Variants in SGSM2 observed in about 807,000 individuals in gnomAD.
SGSM2 encodes small G protein signaling modulator 2.
In SGSM2, 89 loss-of-function variants were observed where a neutral mutation model predicts 126.6. The ratio of observed to expected loss-of-function variants is 0.70; its 90% confidence interval spans 0.59 to 0.84. The LOEUF is 0.84. Among genes scored for constraint, SGSM2 ranks in the 40% least tolerant of loss-of-function variants. The pLI is 0.00. For missense variants in SGSM2, 1,404 were observed against 1,416.6 expected (o/e 0.99, Z 0.14); for synonymous variants, 614 against 574.3 (o/e 1.07, Z -0.99).
intron 1 of SGSM2, among the ~76,000 whole-genome samples, chr17:2,340,674 T>C (rs945326565): frequency 5.9e-5 from 9 of 151,590 alleles, no homozygotes; most frequent in Non-Finnish European, 1.2e-4. Flanking sequence ...AAGCTCCGCC[T>C]CCCGGGTTCA....
intron 1 of SGSM2, among the ~76,000 whole-genome samples, chr17:2,339,392 AC>A (rs2064245706): frequency 6.6e-6 from 1 of 150,944 alleles, no homozygotes; most frequent in Non-Finnish European, 1.5e-5. Flanking sequence ...CCAAGATCGA[AC>A]CACTGCAGTC....
rs959805763 is a variant in SGSM2, at chr17:2,364,368, C to T, written c.932+185C>T. 43 of 884,786 alleles carry T rather than the reference C, an allele frequency of 4.9e-5. No individual in the cohort carries two copies. The African/African-American group carries it at 5.2e-4, about 11-fold the overall frequency. 54.8% of individuals were successfully genotyped at this position (884,786 alleles called of 1,614,324 possible). On this transcript the variant is annotated intron_variant, in intron 8 of 23. Coordinates refer to ENST00000268989, the MANE Select transcript of SGSM2 (RefSeq NM_014853.3). Reference sequence around the variant, plus strand: ...TCTCTAGGACGGAGCCAAGCCTGGCCGTGAAGAGGTTTGTCTGAGCCAAGC... The same window carrying T: ...TCTCTAGGACGGAGCCAAGCCTGGCTGTGAAGAGGTTTGTCTGAGCCAAGC...
At chr17:2,358,932 C>T (rs2151546098) in intron 2 of SGSM2, among the ~76,000 whole-genome samples, 1 of 142,018 alleles carries the variant, frequency 7.0e-6, no homozygotes, top group East Asian at 2.1e-4. Context: ...GGCTGGAGTG[C>T]AGTGGCGCCA....
rs2032931578 is a variant in SGSM2 at position 2,372,805 on chromosome 17, G to A, written c.1789-148G>A. The A allele has an allele frequency of 4.6e-6, 5 of 1,090,356 alleles. No homozygotes were observed. In the South Asian group the frequency reaches 8.2e-5, roughly 18 times the overall value. 67.5% of individuals were successfully genotyped at this position (1,090,356 alleles called of 1,614,324 possible). Reference sequence around the variant, plus strand: ...TCCCACTGTGAGCTGGGGCACGGGAGGACGTGGCCACCCCAAAGCAGGCCT... The same window carrying A: ...TCCCACTGTGAGCTGGGGCACGGGAAGACGTGGCCACCCCAAAGCAGGCCT... On this transcript the variant is annotated intron_variant, in intron 15 of 23. Transcript: ENST00000268989. This position sits in a 1 kb window ranked among gnomAD's most constrained non-coding sequence, Gnocchi z 6.0.
intron 2 of SGSM2, among the ~76,000 whole-genome samples, chr17:2,351,212 C>G (rs961119639): frequency 2.6e-5 from 4 of 151,270 alleles, no homozygotes; most frequent in Non-Finnish European, 4.4e-5. Context: ...AAGATCACGT[C>G]ACTGCACTCC....
rs547211405 is a variant in SGSM2 at position 2,381,032 on chromosome 17, C to G, written c.*1512C>G. ...AAACTATACTCTTCTGTGTAACAGACCAATAAACAACATTTGTCAACACTG... is the reference window on the plus strand; with the variant it reads ...AAACTATACTCTTCTGTGTAACAGAGCAATAAACAACATTTGTCAACACTG... On this transcript the variant is annotated 3_prime_UTR_variant, in exon 24 of 24. Transcript: ENST00000268989. 1 of 152,440 alleles carries G rather than the reference C, an allele frequency of 6.6e-6. No homozygotes were observed. Among genetic ancestry groups the G allele is most frequent in the African/African-American group, 2.4e-5 (1 of 41,566 alleles). The allele number at this position is 152,440 out of a possible 1,614,324, so 9.4% of individuals were successfully genotyped here.
At position 2,367,706 on chromosome 17, in the gene SGSM2, C is replaced by T. The variant is rs2065660571; in HGVS notation, c.1423+301C>T. Among the ~76,000 whole-genome samples, 1 of 152,234 alleles carries T rather than the reference C, an allele frequency of 6.6e-6. No homozygotes were observed. Among genetic ancestry groups the T allele is most frequent in the Non-Finnish European group, 1.5e-5 (1 of 68,034 alleles). ...CCCTGAATGGATCTCTGAGCCCATT[C>T]CTACTCCGGGGGTCAGGCTGGCAAA... On this transcript the variant is annotated intron_variant, in intron 12 of 23. Transcript: ENST00000268989. This position sits in a 1 kb window ranked among gnomAD's most constrained non-coding sequence, Gnocchi z 4.0.
In SGSM2 at chr17:2,380,395, T is replaced by A; in HGVS notation, c.*875T>A. 1 of 1,226,598 alleles carries A rather than the reference T, an allele frequency of 8.2e-7. No homozygotes were observed. The allele number at this position is 1,226,598 out of a possible 1,614,324, so 76.0% of individuals were successfully genotyped here. ...GGAAGAATCCGGTCACAGCCTCCCC[T>A]CAGAGACAGGCCTCAGTTCGAGGGC... is the stretch of plus-strand genomic sequence containing the variant. On this transcript the variant is annotated 3_prime_UTR_variant, in exon 24 of 24. Coordinates refer to ENST00000268989, the MANE Select transcript of SGSM2 (RefSeq NM_014853.3).
Position 2,367,987 on chromosome 17 carries a change from A to T in SGSM2, c.1423+582A>T, listed in dbSNP as rs2151596409. Among the ~76,000 whole-genome samples, 1 of 152,326 alleles carries T rather than the reference A, an allele frequency of 6.6e-6. No individual in the cohort carries two copies. ...TGGCATGAAATCTAGAAATAGCTGCAGCATGGTGTCCAGGAAGGGGCCAGG... is the reference window on the plus strand; with the variant it reads ...TGGCATGAAATCTAGAAATAGCTGCTGCATGGTGTCCAGGAAGGGGCCAGG... On this transcript the variant is annotated intron_variant, in intron 12 of 23. Transcript: ENST00000268989. This position sits in a 1 kb window ranked among gnomAD's most constrained non-coding sequence, Gnocchi z 4.0.
rs113381634 is a variant in SGSM2, at chr17:2,368,344, A to G, written c.1423+939A>G. 7.8e-3 allele frequency among the ~76,000 whole-genome samples: 1,192 copies of G among 152,256 alleles called. 18 individuals carry two copies. Among genetic ancestry groups the G allele is most frequent in the African/African-American group, 0.028 (1,146 of 41,546 alleles). ...GTGAGGGCTGGGATGGGTGCTCCAG[A>G]AAGGGGTGGGTAGGAAGAGGCTGAG... On this transcript the variant is annotated intron_variant, in intron 12 of 23. Coordinates refer to ENST00000268989, the MANE Select transcript of SGSM2 (RefSeq NM_014853.3).
intron 2 of SGSM2, among the ~76,000 whole-genome samples, chr17:2,348,818 A>G (rs2064717614): frequency 6.6e-6 from 1 of 152,028 alleles, no homozygotes; most frequent in Admixed American, 6.6e-5. Context: ...GCTGGAGTGC[A>G]GTGGTGTGAT....
Position 2,362,750 on chromosome 17 carries a change from C to T in SGSM2, c.459-88C>T. 2 of 1,325,352 alleles carry T rather than the reference C, an allele frequency of 1.5e-6. No individual in the cohort carries two copies. Among genetic ancestry groups the T allele is most frequent in the Non-Finnish European group, 2.2e-6 (2 of 929,722 alleles). 82.1% of individuals were successfully genotyped at this position (1,325,352 alleles called of 1,614,324 possible). Reference sequence around the variant, plus strand: ...TCTTGATGACTGATCTGAATCTGGTCTTTGTGGGGATGTCCCTACCTGGTG... The same window carrying T: ...TCTTGATGACTGATCTGAATCTGGTTTTTGTGGGGATGTCCCTACCTGGTG... On this transcript the variant is annotated intron_variant, in intron 4 of 23. Transcript: ENST00000268989. This position sits in a 1 kb window ranked among gnomAD's most constrained non-coding sequence, Gnocchi z 4.9.
At chr17:2,376,613 C>T (rs1250001847) in intron 19 of SGSM2, 120 bp from the exon 20 acceptor site, 3 of 1,097,760 alleles carry the variant, frequency 2.7e-6, no homozygotes, top group Non-Finnish European at 4.1e-6. Context: ...CAGTACATGC[C>T]TTAGGGTCGT....
chr17:2,369,777 C>T (rs2065777233), intron 12 of SGSM2, among the ~76,000 whole-genome samples: 1 of 152,006 alleles, frequency 6.6e-6, no homozygotes, highest in Non-Finnish European at 1.5e-5. Flanking sequence ...CCGGGACTGT[C>T]CTCTTCTCTC....
chr17:2,365,191 G>C, intron 10 of SGSM2, 24 bp from the exon 11 acceptor site: 1 of 1,601,244 alleles, frequency 6.2e-7, no homozygotes, highest in Non-Finnish European at 8.5e-7. Flanking sequence ...TATACAGCCC[G>C]ACCACCTACC....
chr17:2,363,591 G>T lies in SGSM2; in HGVS notation c.799G>T (p.Val267Leu), dbSNP rs546795659. The T allele has an allele frequency of 4.3e-6, 7 of 1,612,762 alleles. No individual in the cohort carries two copies. In the East Asian group the frequency reaches 1.6e-4, roughly 36 times the overall value. ...GCTCTATGGCAAGAACCACGTGCTG[G>T]TGCAGCCGGTAGGAAAGCTTCATCC... ...RLLYGKNHVL[V>L]QPKEDMEAVP... Residue 267 changes from valine to leucine, a missense_variant, in exon 7 of 24, where the codon GTG becomes TTG. Val to Leu is a conservative substitution (Grantham distance 32). Coordinates refer to ENST00000268989, the MANE Select transcript of SGSM2 (RefSeq NM_014853.3). The surrounding 1 kb of genome is among the most constrained non-coding windows in gnomAD (Gnocchi z 4.2).
At chr17:2,364,384 T>A (rs1567826508) in intron 8 of SGSM2, 16 of 850,094 alleles carry the variant, frequency 1.9e-5, no homozygotes, top group Non-Finnish European at 2.9e-5. Flanking sequence ...GAGGTTTGTC[T>A]GAGCCAAGCT....
In SGSM2 at chr17:2,339,159, G is replaced by A. The variant is rs2064231189; in HGVS notation, c.57+1414G>A. On this transcript the variant is annotated intron_variant, in intron 1 of 23. Coordinates refer to ENST00000268989, the MANE Select transcript of SGSM2 (RefSeq NM_014853.3). ...ATCCTGGAAAGTGGACAGGCGCGGTGGCTTACGCCTGTAATCCCAGCACTT... is the reference window on the plus strand; with the variant it reads ...ATCCTGGAAAGTGGACAGGCGCGGTAGCTTACGCCTGTAATCCCAGCACTT... Among the ~76,000 whole-genome samples the A allele has an allele frequency of 2.0e-5, 3 of 151,426 alleles. No individual in the cohort carries two copies. The South Asian group carries it at 6.2e-4, about 32-fold the overall frequency.
In SGSM2 at chr17:2,380,396, C is replaced by A; in HGVS notation, c.*876C>A. The A allele has an allele frequency of 8.3e-7, 1 of 1,207,686 alleles. No homozygotes were observed. The highest frequency in any genetic ancestry group is 1.3e-5 in the South Asian group (1 of 76,896). The allele number at this position is 1,207,686 out of a possible 1,614,324, so 74.8% of individuals were successfully genotyped here. ...GAAGAATCCGGTCACAGCCTCCCCTCAGAGACAGGCCTCAGTTCGAGGGCA... is the reference window on the plus strand; with the variant it reads ...GAAGAATCCGGTCACAGCCTCCCCTAAGAGACAGGCCTCAGTTCGAGGGCA... On this transcript the variant is annotated 3_prime_UTR_variant, in exon 24 of 24. Coordinates refer to ENST00000268989, the MANE Select transcript of SGSM2 (RefSeq NM_014853.3).
Sources: gnomAD v4.1 joint callset for allele counts (sites outside exome capture counted in the v4.1 genomes callset) on GRCh38, gnomAD v4.1.1 for gene constraint, Gnocchi (gnomAD v3.1) non-coding constraint, MANE v1.5 for transcripts, NCBI Gene and HGNC (gene_info 2026-07-23, HGNC 2026-07-21) for gene names.